ANK2: variants seen among roughly 807,000 people sequenced by gnomAD.
The protein encoded by ANK2 is ankyrin-2.
Under a neutral mutation model 360.5 loss-of-function variants are expected in ANK2, and 83 were observed. That is an observed-to-expected ratio of 0.23 (90% CI 0.19 to 0.28). The LOEUF is 0.28. ANK2 is among the 10% of genes least tolerant of loss of function. The probability of loss-of-function intolerance (pLI) is 1.00; values close to 1 mark genes in which losing one functional copy is unlikely to be tolerated. For synonymous variants in ANK2, 1,740 were observed against 1,759.5 expected (o/e 0.99, Z 0.28); for missense variants, 4,201 against 4,795.7 (o/e 0.88, Z 3.66).
At chr4:112,930,567 G>A (rs1056324495) in intron 2 of ANK2, among the ~76,000 whole-genome samples, 50 of 151,974 alleles carry the variant, frequency 3.3e-4, no homozygotes, top group African/African-American at 1.2e-3. Flanking sequence ...CTTTGTAAAC[G>A]GTTAAAAAAA....
chr4:113,359,453 C>CT (rs1315994819), intron 38 of ANK2, among the ~76,000 whole-genome samples, 154 bp downstream of exon 38: 1 of 152,106 alleles, frequency 6.6e-6, no homozygotes, highest in African/African-American at 2.4e-5. Context: ...GTGTTTTGTG[C>CT]TTTCTCTGTA....
intron 10 of ANK2, among the ~76,000 whole-genome samples, chr4:113,251,295 A>T (rs1342862748): frequency 2.0e-5 from 3 of 152,034 alleles, no homozygotes; most frequent in African/African-American, 7.2e-5. Flanking sequence ...GAATTTTTTT[A>T]ATGTCCTTCC....
chr4:112,952,269 A>G (rs746538588), intron 2 of ANK2, among the ~76,000 whole-genome samples: 12 of 152,228 alleles, frequency 7.9e-5, no homozygotes, highest in Non-Finnish European at 7.4e-5. Context: ...AATGTAGTAA[A>G]TGTAGTAAAA....
intron 1 of ANK2, among the ~76,000 whole-genome samples, chr4:113,053,360 A>G (rs533624659): frequency 1.1e-4 from 17 of 152,328 alleles, no homozygotes; most frequent in African/African-American, 4.1e-4. Flanking sequence ...GAAAACCTTC[A>G]TCTGATACTT....
At chr4:112,761,664 T>C in the ANK2 span, among the ~76,000 whole-genome samples, 3,086 of 152,184 alleles carry the variant, frequency 0.02, 111 homozygotes, top group African/African-American at 0.071. Flanking sequence ...TAAAGTTCTC[T>C]TCGAAGTTAA....
chr4:112,957,022 T>G (rs1209904399), intron 2 of ANK2, among the ~76,000 whole-genome samples: 3 of 148,348 alleles, frequency 2.0e-5, no homozygotes, highest in Non-Finnish European at 3.0e-5. Flanking sequence ...TTTTTTTTTT[T>G]TTTTTTTTTT....
At chr4:113,174,104 C>A in intron 1 of ANK2, 1 of 328,708 alleles carries the variant, frequency 3.0e-6, no homozygotes, top group South Asian at 2.7e-5. Context: ...AATAGCAGTA[C>A]TTGAGGCTAG....
intron 26 of ANK2, among the ~76,000 whole-genome samples, chr4:113,319,825 A>T (rs1447050675): frequency 6.6e-6 from 1 of 152,178 alleles, no homozygotes; most frequent in African/African-American, 2.4e-5. Context: ...AAGATACAAC[A>T]TTGCATTCTG....
At chr4:113,049,128 A>G (rs184149500), upstream of ANK2, among the ~76,000 whole-genome samples, 1 of 152,306 alleles carries the variant, frequency 6.6e-6, no homozygotes, top group East Asian at 1.9e-4. Flanking sequence ...AGCTGTTCTC[A>G]AGGCTTTATG....
At chr4:113,054,769 G>C (rs2068777809) in intron 1 of ANK2, among the ~76,000 whole-genome samples, 2 of 152,198 alleles carry the variant, frequency 1.3e-5, no homozygotes, top group Admixed American at 1.3e-4. Flanking sequence ...CCATCTGTCA[G>C]GGATGATGGA....
chr4:113,307,652 C>T (rs1450525073), intron 23 of ANK2, among the ~76,000 whole-genome samples: 1 of 152,154 alleles, frequency 6.6e-6, no homozygotes, highest in Non-Finnish European at 1.5e-5. Flanking sequence ...ATTCACCTTA[C>T]TTGGCCTGCC....
At position 113,353,440 on chromosome 4, in the gene ANK2, C is replaced by T; in HGVS notation, c.4822C>T (p.Pro1608Ser). The stretch of plus-strand genomic sequence containing the variant: ...AATAGAAGAGGCTAGGCAAAAAGCA[C>T]CTTTAGAAATCACTGAATATCCATG... Reference protein sequence around the residue: ...EEIEEARQKAPLEITEYPCVE... With the variant: ...EEIEEARQKASLEITEYPCVE... Residue 1608 changes from proline (P) to serine (S), a missense_variant, in exon 38 of 46, where the codon CCT becomes TCT. By Grantham distance (74) the Pro-to-Ser change is moderately conservative. Transcript: ENST00000357077. 3.1e-6 allele frequency: 5 copies of T among 1,613,896 alleles called. No homozygotes were observed. The highest frequency in any genetic ancestry group is 1.7e-5 in the Admixed American group (1 of 60,000).
At chr4:113,265,953 G>A (rs2055743196) in intron 14 of ANK2, among the ~76,000 whole-genome samples, 1 of 152,100 alleles carries the variant, frequency 6.6e-6, no homozygotes, top group African/African-American at 2.4e-5. Context: ...TCACTTTCAA[G>A]TCTTTCTTTA....
chr4:113,017,472 TA>T (rs1018589074), intron 2 of ANK2, among the ~76,000 whole-genome samples: 14 of 152,268 alleles, frequency 9.2e-5, no homozygotes, highest in African/African-American at 3.4e-4. Flanking sequence ...TGGCCTGTCA[TA>T]AATAGGAAAA....
At chr4:112,826,344 C>A in intron 1 of ANK2, 1 of 923,768 alleles carries the variant, frequency 1.1e-6, no homozygotes, top group Non-Finnish European at 1.7e-6. Context: ...GACATCTGTA[C>A]CAAACACAGT....
chr4:113,175,806 C>G (rs978213742), intron 2 of ANK2, among the ~76,000 whole-genome samples: 4 of 152,168 alleles, frequency 2.6e-5, no homozygotes, highest in Non-Finnish European at 5.9e-5. Context: ...TCTTCAGAGT[C>G]ACTGGCATAA....
At chr4:112,876,792 G>A in intron 1 of ANK2, among the ~76,000 whole-genome samples, 1 of 152,082 alleles carries the variant, frequency 6.6e-6, no homozygotes, top group South Asian at 2.1e-4. Context: ...CATGTGTCAG[G>A]TCTACTATTC....
chr4:113,061,472 C>T (rs998391858), intron 1 of ANK2, among the ~76,000 whole-genome samples: 1 of 152,124 alleles, frequency 6.6e-6, no homozygotes, highest in African/African-American at 2.4e-5. Flanking sequence ...AGTATGTTTT[C>T]CTTTGTGGAG....
At chr4:112,993,633 T>A (rs902086608) in intron 2 of ANK2, among the ~76,000 whole-genome samples, 21 of 151,734 alleles carry the variant, frequency 1.4e-4, no homozygotes, top group African/African-American at 5.1e-4. Flanking sequence ...TATTGTAGAT[T>A]ACTGTGAGTG....
Sources: gnomAD v4.1 joint callset for allele counts (sites outside exome capture counted in the v4.1 genomes callset) on GRCh38, gnomAD v4.1.1 for gene constraint, MANE v1.5 for transcripts, NCBI Gene and HGNC (gene_info 2026-07-23, HGNC 2026-07-21) for gene names.